The following GRID2 variants were observed in gnomAD, a reference collection of about 807,000 sequenced individuals.
The protein encoded by GRID2 is glutamate receptor ionotropic, delta-2.
In GRID2, 33 loss-of-function variants were observed where a neutral mutation model predicts 114.8. That is an observed-to-expected ratio of 0.29 (90% CI 0.22 to 0.38). The LOEUF is 0.38. Among genes scored for constraint, GRID2 ranks in the 10% least tolerant of loss-of-function variants. GRID2 has a pLI of 1.00. For missense variants in GRID2, 1,184 were observed against 1,257.7 expected, an observed-to-expected ratio of 0.94 and a Z score of 0.89; for synonymous variants, 505 against 449.9, an observed-to-expected ratio of 1.12 and a Z score of -1.55.
At chr4:93,343,318 T>C (rs915522419) in intron 8 of GRID2, among the ~76,000 whole-genome samples, 3 of 152,138 alleles carry the variant, frequency 2.0e-5, no homozygotes, top group Non-Finnish European at 4.4e-5. Context: ...TTTTCTTTAA[T>C]TATTTTGTAT....
At chr4:92,953,680 A>C (rs751086419) in intron 2 of GRID2, among the ~76,000 whole-genome samples, 4 of 152,146 alleles carry the variant, frequency 2.6e-5, no homozygotes, top group Non-Finnish European at 5.9e-5. Flanking sequence ...ACAGGAATCA[A>C]TATGATGATT....
chr4:93,537,514 A>G (rs1009111686), intron 13 of GRID2, among the ~76,000 whole-genome samples: 13 of 151,974 alleles, frequency 8.6e-5, no homozygotes, highest in Admixed American at 4.6e-4. Flanking sequence ...AGAGGAAAAG[A>G]TAATTCTTTT....
At chr4:92,465,223 C>T (rs1299808330) in intron 1 of GRID2, among the ~76,000 whole-genome samples, 6 of 150,804 alleles carry the variant, frequency 4.0e-5, no homozygotes, top group Admixed American at 1.3e-4. Context: ...ATTCCTGGGC[C>T]GAGTTTTAAA....
intron 2 of GRID2, among the ~76,000 whole-genome samples, chr4:93,064,912 T>C (rs140164330): frequency 1.3e-5 from 2 of 151,844 alleles, no homozygotes; most frequent in African/African-American, 4.8e-5. Flanking sequence ...TTATTCCAAG[T>C]AGATTGTTAC....
At chr4:93,191,779 T>G (rs549716922) in intron 4 of GRID2, among the ~76,000 whole-genome samples, 1 of 152,178 alleles carries the variant, frequency 6.6e-6, no homozygotes, top group African/African-American at 2.4e-5. Context: ...TATGTAACTA[T>G]CTTCATAACA....
chr4:92,322,509 G>T (rs1472320097), intron 1 of GRID2, among the ~76,000 whole-genome samples: 1 of 151,980 alleles, frequency 6.6e-6, no homozygotes, highest in African/African-American at 2.4e-5. Flanking sequence ...TTGCATGTGT[G>T]TATCAAAGTA....
chr4:93,629,632 A>G (rs553204623), intron 14 of GRID2, among the ~76,000 whole-genome samples: 14 of 152,296 alleles, frequency 9.2e-5, no homozygotes, highest in African/African-American at 3.1e-4. Flanking sequence ...GGCCATTGAT[A>G]TTACATATTA....
intron 1 of GRID2, among the ~76,000 whole-genome samples, chr4:92,417,712 T>C (rs12647218): frequency 0.14 from 21,531 of 152,142 alleles, 1,850 homozygotes; most frequent in Middle Eastern, 0.21. Context: ...AAAATCATAA[T>C]AGTTATTGAT....
intron 2 of GRID2, among the ~76,000 whole-genome samples, chr4:93,069,464 C>T (rs953256978): frequency 2.2e-4 from 34 of 152,038 alleles, no homozygotes; most frequent in African/African-American, 7.2e-4. Flanking sequence ...ATACTGCTAT[C>T]ACTGTAAGCT....
chr4:93,147,098 C>T (rs921095103), intron 4 of GRID2, among the ~76,000 whole-genome samples: 5 of 151,992 alleles, frequency 3.3e-5, no homozygotes, highest in African/African-American at 7.2e-5. Context: ...AATTTTTTAA[C>T]GTACTTATAA....
Position 93,572,662 on chromosome 4 carries a change from G to A in GRID2, c.2194-53607G>A, listed in dbSNP as rs866271900. Among the ~76,000 whole-genome samples, 32 of 152,170 alleles carry A rather than the reference G, an allele frequency of 2.1e-4. No individual in the cohort carries two copies. In the Middle Eastern group the frequency reaches 0.01, roughly 49 times the overall value. ...ATATGTATGGTAAATATGATAGATA[G>A]ACTTATTGCAGCAAAGGAAACTTGA... is the stretch of plus-strand genomic sequence containing the variant. On this transcript the variant is annotated intron_variant, in intron 13 of 15. Transcript: ENST00000282020.
At chr4:92,838,169 A>C (rs886456093) in intron 2 of GRID2, among the ~76,000 whole-genome samples, 5 of 152,070 alleles carry the variant, frequency 3.3e-5, no homozygotes, top group African/African-American at 9.7e-5. Context: ...ATCCCTGTGG[A>C]GATATTAAGA....
intron 2 of GRID2, among the ~76,000 whole-genome samples, chr4:92,911,136 A>T (rs1233691536): frequency 1.3e-5 from 2 of 152,074 alleles, no homozygotes; most frequent in Admixed American, 1.3e-4. Context: ...TCCACATAGT[A>T]AGTAATTTTT....
chr4:92,889,412 C>A (rs1007925688), intron 2 of GRID2, among the ~76,000 whole-genome samples: 1 of 152,176 alleles, frequency 6.6e-6, no homozygotes, highest in African/African-American at 2.4e-5. Context: ...TGATAAGCAA[C>A]TTCAGCAAAG....
chr4:93,614,789 T>A (rs1741422183), intron 13 of GRID2, among the ~76,000 whole-genome samples: 1 of 152,206 alleles, frequency 6.6e-6, no homozygotes, highest in Non-Finnish European at 1.5e-5. Context: ...TTAAGACATA[T>A]AAGTGTGAAA....
chr4:92,316,750 A>G (rs62310994), intron 1 of GRID2, among the ~76,000 whole-genome samples: 10,000 of 152,230 alleles, frequency 0.066, 375 homozygotes, highest in Middle Eastern at 0.14. Flanking sequence ...CCATTTTTAT[A>G]GTAGCCTAAA....
intron 2 of GRID2, among the ~76,000 whole-genome samples, chr4:92,735,036 C>T (rs1183271964): frequency 6.6e-6 from 1 of 151,746 alleles, no homozygotes; most frequent in African/African-American, 2.4e-5. Context: ...TCCTTGGCCT[C>T]CCAAAATGCT....
chr4:92,571,487 TAAC>T (rs771675655), intron 1 of GRID2, among the ~76,000 whole-genome samples: 2 of 151,612 alleles, frequency 1.3e-5, no homozygotes, highest in Non-Finnish European at 3.0e-5. Context: ...GACAGAAAGT[TAAC>T]AAGGATATCC....
At chr4:93,306,360 A>C (rs1755420523) in intron 8 of GRID2, 1 of 152,208 alleles carries the variant, frequency 6.6e-6, no homozygotes, top group African/African-American at 2.4e-5. Context: ...AAGCTTATTA[A>C]ATTCCCCTAC....
Sources: allele counts gnomAD v4.1 joint callset (sites outside exome capture counted in the v4.1 genomes callset), GRCh38; gene constraint gnomAD v4.1.1; transcripts MANE v1.5; gene names NCBI Gene and HGNC (gene_info 2026-07-23, HGNC 2026-07-21).